The following OTOGL variants were observed in gnomAD, a reference collection of about 807,000 sequenced individuals.
OTOGL encodes otogelin-like protein.
Under a neutral mutation model 318.5 loss-of-function variants are expected in OTOGL, and 285 were observed. The ratio of observed to expected loss-of-function variants is 0.89; its 90% CI spans 0.81 to 0.99. The LOEUF is 0.99. OTOGL is among the 50% of genes least tolerant of loss of function. The probability of loss-of-function intolerance (pLI) is 0.00; values close to 1 mark genes in which losing one functional copy is unlikely to be tolerated. For missense variants in OTOGL, 2,899 were observed against 2,845.6 expected (o/e 1.02, Z -0.43); for synonymous variants, 987 against 936.5 (o/e 1.05, Z -0.99).
At chr12:80,261,873 C>A (rs907650876) in intron 18 of OTOGL, 96 bp from the exon 19 acceptor site, 15 of 1,373,382 alleles carry the variant, frequency 1.1e-5, no homozygotes, top group Non-Finnish European at 1.4e-5. Context: ...TTTCCTTGTA[C>A]ATTATGAAAA....
rs149049560 is a variant in OTOGL, at chr12:80,348,040, G to A, written c.5266-4255G>A. Among the ~76,000 whole-genome samples the A allele has an allele frequency of 7.1e-3, 1,077 of 152,210 alleles. 14 individuals are homozygous for A. The highest frequency in any genetic ancestry group is 0.025 in the African/African-American group (1,030 of 41,522). On this transcript the variant is annotated intron_variant, in intron 44 of 58. Coordinates refer to ENST00000547103, the MANE Select transcript of OTOGL (RefSeq NM_001378609.3). ...ATATTAGCCCTTTGTCAGATGGATA[G>A]ATTGCAAAAATTTTCTCCCATTCTA...
intron 42 of OTOGL, among the ~76,000 whole-genome samples, chr12:80,338,754 A>G (rs1230320456): frequency 1.3e-5 from 2 of 152,042 alleles, no homozygotes; most frequent in Non-Finnish European, 2.9e-5. Context: ...TCTTAAATTC[A>G]TATTAGAAGG....
At chr12:80,274,705 G>A (rs559506123) in intron 24 of OTOGL, among the ~76,000 whole-genome samples, 1 of 152,120 alleles carries the variant, frequency 6.6e-6, no homozygotes, top group Admixed American at 6.6e-5. Context: ...TGGCTTCAAA[G>A]TTTCCACGGA....
chr12:80,358,863 G>A lies in OTOGL; in HGVS notation c.6230G>A (p.Cys2077Tyr), dbSNP rs1021407378. The A allele has an allele frequency of 1.3e-6, 2 of 1,521,024 alleles. No individual in the cohort carries two copies. The highest frequency in any genetic ancestry group is 1.8e-6 in the Non-Finnish European group (2 of 1,130,364). 94.2% of individuals were successfully genotyped at this position (1,521,024 alleles called of 1,614,324 possible). A position where few individuals can be genotyped will look rare whatever the true frequency, so the allele number is the denominator to read the frequency against. ...TATGTTGATTTTTGCCTTTTAGAATGTAACTGTGAAAACCTTATTATGCCA... is the reference window on the plus strand; with the variant it reads ...TATGTTGATTTTTGCCTTTTAGAATATAACTGTGAAAACCTTATTATGCCA... ...GQCCPTWHCE[C>Y]NCENLIMPTC... Residue 2077 changes from cysteine to tyrosine, a missense_variant, in exon 52 of 59, where the codon TGT becomes TAT. Transcript: ENST00000547103.
At chr12:80,311,835 G>A (rs1055855352) in intron 30 of OTOGL, among the ~76,000 whole-genome samples, 3 of 152,152 alleles carry the variant, frequency 2.0e-5, no homozygotes, top group Non-Finnish European at 2.9e-5. Flanking sequence ...CCACCCCTGC[G>A]AGCTTATAAG....
intron 44 of OTOGL, chr12:80,343,525 T>TTTTTTTTTTTTTTTTTTTTTTTTTTTTTC (rs1888954487): frequency 7.5e-6 from 1 of 133,880 alleles, no homozygotes; most frequent in African/African-American, 3.0e-5. Context: ...TTTTTTTTTT[T>TTTTTTTTTTTTTTTTTTTTTTTTTTTTTC]TTTTTTTTTT....
chr12:80,337,470 A>G (rs1271846205), intron 42 of OTOGL, among the ~76,000 whole-genome samples: 1 of 152,148 alleles, frequency 6.6e-6, no homozygotes, highest in Non-Finnish European at 1.5e-5. Flanking sequence ...GATAGCTAAC[A>G]TAAGAAAAAT....
rs769486448 is a variant in OTOGL, at chr12:80,233,001, A to G, written c.721A>G (p.Ile241Val). The G allele has an allele frequency of 6.3e-6, 10 of 1,598,606 alleles. No homozygotes were observed. The African/African-American group carries it at 1.3e-4, about 21-fold the overall frequency. Residue 241 changes from isoleucine to valine, a missense_variant, in exon 9 of 59, where the codon ATC (isoleucine) becomes GTC (valine). Transcript: ENST00000547103. ...ATTGGCTTGGGACGGGATATCTGGGATCTACCTCAAGCTGTCTGAGGACCA... is the reference window on the plus strand; with the variant it reads ...ATTGGCTTGGGACGGGATATCTGGGGTCTACCTCAAGCTGTCTGAGGACCA... ...FSLAWDGISGIYLKLSEDHKG... is the reference protein window; with the variant it reads ...FSLAWDGISGVYLKLSEDHKG...
At chr12:80,141,585 G>A (rs983593765) in intron 1 of OTOGL, among the ~76,000 whole-genome samples, 4 of 152,090 alleles carry the variant, frequency 2.6e-5, no homozygotes, top group Admixed American at 2.0e-4. Flanking sequence ...CTAACAACAG[G>A]CAGACTTGTT....
At chr12:80,300,855 G>A (rs968732102) in intron 27 of OTOGL, among the ~76,000 whole-genome samples, 4 of 152,148 alleles carry the variant, frequency 2.6e-5, no homozygotes, top group African/African-American at 9.7e-5. Flanking sequence ...CAGAAAGAGA[G>A]CCAGCATAGC....
intron 55 of OTOGL, 58 bp downstream of exon 55, chr12:80,368,367 C>T: frequency 2.3e-6 from 3 of 1,307,814 alleles, no homozygotes; most frequent in Non-Finnish European, 3.2e-6. Flanking sequence ...GTTCTTGAGT[C>T]AAAGTTTGGA....
intron 56 of OTOGL, among the ~76,000 whole-genome samples, chr12:80,371,572 G>T (rs896771545): frequency 2.6e-5 from 4 of 151,980 alleles, no homozygotes; most frequent in Non-Finnish European, 5.9e-5. Context: ...TCCTTCCAAG[G>T]AAGGAAATAT....
intron 27 of OTOGL, among the ~76,000 whole-genome samples, chr12:80,301,217 G>C (rs779516688): frequency 2.6e-5 from 4 of 152,028 alleles, no homozygotes; most frequent in African/African-American, 7.2e-5. Flanking sequence ...GATGTTAACT[G>C]TGCATTTTTG....
intron 1 of OTOGL, among the ~76,000 whole-genome samples, chr12:80,149,063 C>T (rs567769436): frequency 0.024 from 3,692 of 152,238 alleles, 154 homozygotes; most frequent in African/African-American, 0.085. Context: ...TCGTCAAAGT[C>T]GTTCTCCGTC....
At chr12:80,217,043 GGCACCGAAACA>G (rs1408415670) in intron 4 of OTOGL, among the ~76,000 whole-genome samples, 1 of 152,172 alleles carries the variant, frequency 6.6e-6, no homozygotes, top group Non-Finnish European at 1.5e-5. Flanking sequence ...GTGACACACT[GGCACCGAAACA>G]GCAGATGCTT....
intron 2 of OTOGL, 118 bp downstream of exon 2, chr12:80,209,628 A>G (rs1352971798): frequency 1.9e-6 from 1 of 538,374 alleles, no homozygotes; most frequent in Non-Finnish European, 3.1e-6. Context: ...ATTGTACTAA[A>G]TGATACTCAG....
intron 52 of OTOGL, among the ~76,000 whole-genome samples, chr12:80,363,566 G>A (rs926225119): frequency 2.0e-5 from 3 of 151,908 alleles, no homozygotes; most frequent in Non-Finnish European, 4.4e-5. Context: ...GAGAGAGAGA[G>A]AAATTGATTT....
intron 1 of OTOGL, among the ~76,000 whole-genome samples, chr12:80,123,837 T>C (rs1870639092): frequency 6.6e-6 from 1 of 152,238 alleles, no homozygotes; most frequent in Non-Finnish European, 1.5e-5. Flanking sequence ...AAATGTCTTC[T>C]TTTGAGAAGT....
intron 27 of OTOGL, 93 bp downstream of exon 27, chr12:80,297,054 T>A (rs780200881): frequency 1.4e-5 from 16 of 1,184,942 alleles, no homozygotes; most frequent in Non-Finnish European, 1.8e-5. Context: ...TCTCTGTAAA[T>A]GGTCATGAGA....
Sources: allele counts gnomAD v4.1 joint callset (sites outside exome capture counted in the v4.1 genomes callset), GRCh38; gene constraint gnomAD v4.1.1; transcripts MANE v1.5; gene names NCBI Gene and HGNC (gene_info 2026-07-23, HGNC 2026-07-21).